Variants in KAZN observed in about 807,000 individuals in gnomAD.
KAZN encodes kazrin, periplakin interacting protein.
Under a neutral mutation model 87.4 loss-of-function variants are expected in KAZN, and 40 were observed. The ratio of observed to expected loss-of-function variants is 0.46; its 90% confidence interval spans 0.36 to 0.60. The LOEUF (loss-of-function observed/expected upper bound fraction) is 0.60, where lower values mean the gene tolerates loss of function less well. KAZN is among the 20% of genes least tolerant of loss of function. The pLI, the probability that KAZN is intolerant of heterozygous loss-of-function variation, is 0.00. For missense variants in KAZN, 898 were observed against 1,073.9 expected (o/e 0.84, Z 2.29); for synonymous variants, 466 against 458.3 (o/e 1.02, Z -0.22).
At chr1:14,322,359 G>A (rs1656107284) in intron 2 of KAZN, among the ~76,000 whole-genome samples, 1 of 152,168 alleles carries the variant, frequency 6.6e-6, no homozygotes, top group African/African-American at 2.4e-5. Flanking sequence ...ATGGTATGGT[G>A]TCCTAAGAAA....
At chr1:15,026,394 C>T (rs1217747976) in intron 2 of KAZN, among the ~76,000 whole-genome samples, 6 of 152,166 alleles carry the variant, frequency 3.9e-5, no homozygotes, top group South Asian at 2.1e-4. Flanking sequence ...TCTCAGGCCC[C>T]GCAGCTGCTA....
At chr1:15,004,141 G>T (rs1668775579) in intron 2 of KAZN, among the ~76,000 whole-genome samples, 1 of 152,172 alleles carries the variant, frequency 6.6e-6, no homozygotes, top group Admixed American at 6.5e-5. Context: ...CATCAGACTG[G>T]CCAACCTCAT....
intron 1 of KAZN, among the ~76,000 whole-genome samples, chr1:14,118,827 T>C (rs891689600): frequency 1.3e-5 from 2 of 152,162 alleles, no homozygotes; most frequent in African/African-American, 4.8e-5. Flanking sequence ...CGGGAATGTC[T>C]TACTGGAATT....
chr1:14,760,014 G>A (rs762032329), intron 1 of KAZN, among the ~76,000 whole-genome samples: 5 of 152,002 alleles, frequency 3.3e-5, no homozygotes, highest in Admixed American at 2.0e-4. Context: ...TGACCCACCT[G>A]TGAGTTTGAA....
At chr1:14,404,130 G>A (rs1211808728) in intron 2 of KAZN, among the ~76,000 whole-genome samples, 3 of 152,096 alleles carry the variant, frequency 2.0e-5, no homozygotes, top group Non-Finnish European at 4.4e-5. Context: ...GAGGCTGGTC[G>A]CCCCACCCTC....
At chr1:14,444,999 G>C (rs1204562373) in intron 2 of KAZN, among the ~76,000 whole-genome samples, 1 of 151,036 alleles carries the variant, frequency 6.6e-6, no homozygotes, top group East Asian at 2.0e-4. Flanking sequence ...GAGGTCATTA[G>C]GGTGGGCTCT....
chr1:14,776,967 G>GAAAAAAAAAAAA (rs1450009750), intron 1 of KAZN, among the ~76,000 whole-genome samples: 1 of 147,622 alleles, frequency 6.8e-6, no homozygotes, highest in African/African-American at 2.5e-5. Flanking sequence ...AGACGTCTTT[G>GAAAAAAAAAAAA]AAGTCGGTAT....
At chr1:14,330,164 A>G (rs1656743067) in intron 2 of KAZN, among the ~76,000 whole-genome samples, 1 of 152,164 alleles carries the variant, frequency 6.6e-6, no homozygotes, top group Non-Finnish European at 1.5e-5. Flanking sequence ...GGCAAAGGGA[A>G]CCCAACTGCA....
intron 1 of KAZN, among the ~76,000 whole-genome samples, chr1:13,918,220 A>G (rs1639933201): frequency 6.6e-6 from 1 of 152,230 alleles, no homozygotes; most frequent in South Asian, 2.1e-4. Context: ...ATCATTCTAG[A>G]TGCTATTAAG....
At chr1:14,100,385 C>T (rs75973717) in intron 1 of KAZN, among the ~76,000 whole-genome samples, 4,592 of 152,256 alleles carry the variant, frequency 0.03, 226 homozygotes, top group African/African-American at 0.1. Context: ...TCCAGGTGGA[C>T]TTACAGGACC....
At position 14,211,504 on chromosome 1, in the gene KAZN, G is replaced by A. The variant is rs188828386; in HGVS notation, c.249+30912G>A. Among the ~76,000 whole-genome samples, 221 of 152,274 alleles carry A rather than the reference G, an allele frequency of 1.5e-3. 2 individuals are homozygous for A. Among genetic ancestry groups the A allele is most frequent in the African/African-American group, 5.2e-3 (215 of 41,566 alleles). On this transcript the variant is annotated intron_variant, in intron 2 of 16. Coordinates refer to the KAZN transcript ENST00000636203. ...CTCCCAAAGTGCTGGGGTTACAGGC[G>A]TGAGCCACCGTGCCGGGCCTATCTT...
At chr1:14,224,498 A>G (rs551550741) in intron 2 of KAZN, among the ~76,000 whole-genome samples, 2 of 152,222 alleles carry the variant, frequency 1.3e-5, no homozygotes, top group Non-Finnish European at 2.9e-5. Context: ...GGGTGATGCC[A>G]ACAGATGCCA....
chr1:14,069,000 T>C (rs1643131650), intron 1 of KAZN, among the ~76,000 whole-genome samples: 1 of 152,096 alleles, frequency 6.6e-6, no homozygotes, highest in Non-Finnish European at 1.5e-5. Context: ...GGTAACACCA[T>C]ATTGGCCAGG....
In KAZN at chr1:15,099,940, G is replaced by A. The variant is rs535825422; in HGVS notation, c.1548-1603G>A. On this transcript the variant is annotated intron_variant, in intron 10 of 14. Coordinates refer to ENST00000376030, the MANE Select transcript of KAZN (RefSeq NM_201628.3). This position sits in a 1 kb window ranked among gnomAD's most constrained non-coding sequence, Gnocchi z 5.4. ...GGACGGGCTATCAGCTTGGGAGCTGGGTGACAGAGAAGGGCCCCTGGGTGA... is the reference window on the plus strand; with the variant it reads ...GGACGGGCTATCAGCTTGGGAGCTGAGTGACAGAGAAGGGCCCCTGGGTGA... Among the ~76,000 whole-genome samples the A allele has an allele frequency of 2.0e-5, 3 of 152,276 alleles. No individual in the cohort carries two copies. The highest frequency in any genetic ancestry group is 1.3e-4 in the Admixed American group (2 of 15,304).
chr1:14,429,041 A>G (rs1442858073), intron 2 of KAZN, among the ~76,000 whole-genome samples: 1 of 152,150 alleles, frequency 6.6e-6, no homozygotes, highest in South Asian at 2.1e-4. Flanking sequence ...AAATATCTAA[A>G]TATCTAGGTC....
intron 2 of KAZN, among the ~76,000 whole-genome samples, chr1:14,360,171 A>G (rs1188811199): frequency 6.6e-6 from 1 of 152,106 alleles, no homozygotes; most frequent in Non-Finnish European, 1.5e-5. Flanking sequence ...CTTGTCTTCA[A>G]ACTTTATTTC....
intron 2 of KAZN, among the ~76,000 whole-genome samples, chr1:14,425,490 A>T (rs1431508165): frequency 6.6e-6 from 1 of 152,182 alleles, no homozygotes; most frequent in Non-Finnish European, 1.5e-5. Context: ...GGGCTCTAGA[A>T]GATACAACAA....
At chr1:14,713,283 T>C (rs1279353580) in intron 1 of KAZN, among the ~76,000 whole-genome samples, 1 of 152,184 alleles carries the variant, frequency 6.6e-6, no homozygotes, top group South Asian at 2.1e-4. Context: ...TGCTAGCATC[T>C]CATTGGCCAA....
At chr1:14,126,973 G>A (rs1041961677) in intron 1 of KAZN, among the ~76,000 whole-genome samples, 52 of 152,346 alleles carry the variant, frequency 3.4e-4, no homozygotes, top group African/African-American at 1.3e-3. Context: ...AGGCATGGTG[G>A]TAGGCGCCTG....
Sources: allele counts gnomAD v4.1 joint callset (sites outside exome capture counted in the v4.1 genomes callset), GRCh38; gene constraint gnomAD v4.1.1; non-coding constraint Gnocchi (gnomAD v3.1); transcripts MANE v1.5; gene names NCBI Gene and HGNC (gene_info 2026-07-23, HGNC 2026-07-21).